CNTNAP4: variants seen among roughly 807,000 people sequenced by gnomAD.
CNTNAP4 encodes the protein contactin-associated protein-like 4.
Under a neutral mutation model 148.4 loss-of-function variants are expected in CNTNAP4, and 98 were observed. The observed-to-expected ratio is 0.66, with a 90% CI of 0.56 to 0.78. The LOEUF (loss-of-function observed/expected upper bound fraction) is 0.78, where lower values mean the gene tolerates loss of function less well. Among genes scored for constraint, CNTNAP4 ranks in the 30% least tolerant of loss-of-function variants. The probability of loss-of-function intolerance (pLI) is 0.00; values close to 1 mark genes in which losing one functional copy is unlikely to be tolerated. For synonymous variants in CNTNAP4, 730 were observed against 565.1 expected (o/e 1.29, Z -4.14); for missense variants, 1,935 against 1,565.6 (o/e 1.24, Z -3.98).
At chr16:76,281,324 G>C (rs1958679912) in intron 1 of CNTNAP4, among the ~76,000 whole-genome samples, 1 of 151,972 alleles carries the variant, frequency 6.6e-6, no homozygotes. Context: ...TGCATAAATG[G>C]CTAGCCCCTA....
rs8055209 is a variant in CNTNAP4 at position 76,309,934 on chromosome 16, C to T, written c.86-6479C>T. On this transcript the variant is annotated intron_variant, in intron 1 of 23. Transcript: ENST00000611870. ...GAGTCCGGTTAAGTCTCTTTTTCTT[C>T]CCCGTCTCGGGTATGTCTTTATCAG... is the stretch of plus-strand genomic sequence containing the variant. 3.0e-4 allele frequency: 210 copies of T among 701,360 alleles called. 2 individuals are homozygous for T. The African/African-American group carries it at 3.4e-3, about 11-fold the overall frequency. The allele number at this position is 701,360 out of a possible 1,614,324, so 43.4% of individuals were successfully genotyped here. A position where few individuals can be genotyped will look rare whatever the true frequency, so the allele number is the denominator to read the frequency against.
rs557821808 is a variant in CNTNAP4, at chr16:76,386,104, A to C, written c.390+30593A>C. The stretch of plus-strand genomic sequence containing the variant: ...CCAGAGTCTTCACTGCTGTGGGCAC[A>C]TTCACAAATGACCACTGAAGCACAT... On this transcript the variant is annotated intron_variant, in intron 3 of 23. Transcript: ENST00000611870. Among the ~76,000 whole-genome samples, 14 of 152,350 alleles carry C rather than the reference A, an allele frequency of 9.2e-5. No individual in the cohort carries two copies. The South Asian group carries it at 2.9e-3, about 32-fold the overall frequency.
At chr16:76,346,256 GT>G (rs1412756402) in intron 2 of CNTNAP4, among the ~76,000 whole-genome samples, 1 of 151,962 alleles carries the variant, frequency 6.6e-6, no homozygotes, top group African/African-American at 2.4e-5. Flanking sequence ...TCTGAAATTG[GT>G]TTTGCACTTT....
intron 2 of CNTNAP4, among the ~76,000 whole-genome samples, chr16:76,330,450 G>A (rs1024313408): frequency 6.6e-6 from 1 of 152,122 alleles, no homozygotes; most frequent in African/African-American, 2.4e-5. Context: ...CTTGTTGTGT[G>A]CCTGCTTATG....
chr16:76,534,378 A>G (rs1390395104), intron 17 of CNTNAP4, among the ~76,000 whole-genome samples: 1 of 152,222 alleles, frequency 6.6e-6, no homozygotes, highest in Non-Finnish European at 1.5e-5. Flanking sequence ...AAGAGAATTT[A>G]TATGTAAAGA....
chr16:76,496,371 A>G (rs182189974), intron 14 of CNTNAP4, among the ~76,000 whole-genome samples: 1 of 152,292 alleles, frequency 6.6e-6, no homozygotes, highest in Admixed American at 6.5e-5. Context: ...CATATTGCTA[A>G]TTAAAAATGA....
chr16:76,314,117 C>T (rs8058357), intron 1 of CNTNAP4, among the ~76,000 whole-genome samples: 4,936 of 152,056 alleles, frequency 0.032, 286 homozygotes, highest in African/African-American at 0.11. Flanking sequence ...GGTAGATAGA[C>T]GATAAATATG....
chr16:76,495,077 T>C lies in CNTNAP4; in HGVS notation c.2237+11T>C. 6.2e-7 allele frequency: 1 copy of C among 1,612,398 alleles called. No homozygotes were observed. Among genetic ancestry groups the C allele is most frequent in the Non-Finnish European group, 8.5e-7 (1 of 1,178,908 alleles). On this transcript the variant is annotated intron_variant, in intron 14 of 23. Coordinates refer to ENST00000611870, the MANE Select transcript of CNTNAP4 (RefSeq NM_033401.5). ...TGACCGGAATGAATGGTGATTTCCA[T>C]ATGATTTCTTTATGCAAGAAAAAGT...
At chr16:76,361,040 G>T (rs980063059) in intron 3 of CNTNAP4, among the ~76,000 whole-genome samples, 1 of 151,590 alleles carries the variant, frequency 6.6e-6, no homozygotes, top group Non-Finnish European at 1.5e-5. Context: ...AGCCAGGATG[G>T]CCTCGATTTG....
intron 3 of CNTNAP4, among the ~76,000 whole-genome samples, chr16:76,372,875 A>T (rs529230568): frequency 6.6e-6 from 1 of 152,352 alleles, no homozygotes; most frequent in South Asian, 2.1e-4. Flanking sequence ...TTTATTGAAA[A>T]GTGTACCTAT....
At chr16:76,483,786 C>T (rs1226819027) in intron 12 of CNTNAP4, among the ~76,000 whole-genome samples, 3 of 152,168 alleles carry the variant, frequency 2.0e-5, no homozygotes, top group African/African-American at 2.4e-5. Context: ...ATGTGAATGT[C>T]AGGCAGGCCA....
intron 17 of CNTNAP4, among the ~76,000 whole-genome samples, chr16:76,523,800 C>T (rs767132094): frequency 3.9e-5 from 6 of 152,018 alleles, no homozygotes; most frequent in Admixed American, 2.0e-4. Context: ...GGCATGGTGG[C>T]ACTCGCCTGT....
intron 1 of CNTNAP4, among the ~76,000 whole-genome samples, chr16:76,279,412 C>A (rs1958602720): frequency 6.6e-6 from 1 of 152,126 alleles, no homozygotes; most frequent in Non-Finnish European, 1.5e-5. Context: ...GTAGGGTGTA[C>A]ATCAACATTA....
chr16:76,407,246 C>G (rs1358387245), intron 3 of CNTNAP4, among the ~76,000 whole-genome samples: 1 of 152,102 alleles, frequency 6.6e-6, no homozygotes, highest in African/African-American at 2.4e-5. Flanking sequence ...TTGAAGCCTA[C>G]CGGGCTCAAA....
chr16:76,301,995 G>T (rs574617143), intron 1 of CNTNAP4, among the ~76,000 whole-genome samples: 1 of 152,132 alleles, frequency 6.6e-6, no homozygotes, highest in East Asian at 1.9e-4. Flanking sequence ...ACTTGCACAG[G>T]CCCAGTTGAA....
intron 1 of CNTNAP4, among the ~76,000 whole-genome samples, chr16:76,280,474 A>G (rs961351465): frequency 6.6e-6 from 1 of 152,182 alleles, no homozygotes; most frequent in Non-Finnish European, 1.5e-5. Flanking sequence ...GTGTATGTAG[A>G]TATCTGTAAA....
intron 2 of CNTNAP4, among the ~76,000 whole-genome samples, chr16:76,355,004 A>G (rs2012385687): frequency 6.6e-6 from 1 of 152,218 alleles, no homozygotes; most frequent in South Asian, 2.1e-4. Flanking sequence ...TGCAGTAGAC[A>G]TGCTAGTAAG....
chr16:76,280,439 C>T (rs895164623), intron 1 of CNTNAP4, among the ~76,000 whole-genome samples: 6 of 152,040 alleles, frequency 3.9e-5, no homozygotes, highest in South Asian at 4.1e-4. Context: ...CTACTAGACT[C>T]GTGCTCATTT....
chr16:76,442,280 G>A (rs2080073977), intron 4 of CNTNAP4, among the ~76,000 whole-genome samples: 1 of 152,106 alleles, frequency 6.6e-6, no homozygotes, highest in South Asian at 2.1e-4. Flanking sequence ...ATTTTTTAGA[G>A]ACTTTAGAAG....
Sources: allele counts gnomAD v4.1 joint callset (sites outside exome capture counted in the v4.1 genomes callset), GRCh38; gene constraint gnomAD v4.1.1; transcripts MANE v1.5; gene names NCBI Gene and HGNC (gene_info 2026-07-23, HGNC 2026-07-21).